The following CTNNA2 variants were observed in gnomAD, a reference collection of about 807,000 sequenced individuals.
CTNNA2 encodes catenin alpha-2.
A neutral mutation model predicts 101.0 loss-of-function variants in CTNNA2; 42 were observed. The observed-to-expected ratio is 0.42, with a 90% CI of 0.32 to 0.54. The LOEUF (loss-of-function observed/expected upper bound fraction) is 0.54. Among genes scored for constraint, CTNNA2 ranks in the 20% least tolerant of loss-of-function variants. The pLI is 0.14. For synonymous variants in CTNNA2, 450 were observed against 456.4 expected, an observed-to-expected ratio of 0.99 and a Z score of 0.18; for missense variants, 871 against 1,223.1, an observed-to-expected ratio of 0.71 and a Z score of 4.29.
At chr2:80,519,290 CT>C (rs1489870754) in intron 9 of CTNNA2, among the ~76,000 whole-genome samples, 1 of 152,132 alleles carries the variant, frequency 6.6e-6, no homozygotes, top group African/African-American at 2.4e-5. Context: ...ATGGATTGTG[CT>C]TTGTGCTGAT....
intron 1 of CTNNA2, among the ~76,000 whole-genome samples, chr2:79,635,577 C>T (rs1311123121): frequency 1.3e-5 from 2 of 149,216 alleles, no homozygotes; most frequent in East Asian, 2.1e-4. Flanking sequence ...GATCTCGGCT[C>T]ATTGCAACCT....
At chr2:79,781,088 A>G (rs1012845984) in intron 3 of CTNNA2, among the ~76,000 whole-genome samples, 8 of 152,234 alleles carry the variant, frequency 5.3e-5, no homozygotes, top group Admixed American at 1.3e-4. Flanking sequence ...CAGCTACTCC[A>G]TAGACGGAGC....
intron 7 of CTNNA2, among the ~76,000 whole-genome samples, chr2:80,125,354 C>T (rs899616719): frequency 3.3e-5 from 5 of 152,148 alleles, no homozygotes; most frequent in African/African-American, 1.2e-4. Context: ...TGATGGTGTC[C>T]TCAGTCTGGG....
chr2:79,886,502 A>T (rs1017015235), intron 6 of CTNNA2, among the ~76,000 whole-genome samples: 1 of 151,904 alleles, frequency 6.6e-6, no homozygotes, highest in East Asian at 2.0e-4. Context: ...CTGTAATCCC[A>T]GCACTTTGGG....
intron 1 of CTNNA2, among the ~76,000 whole-genome samples, chr2:79,537,663 G>T (rs557325602): frequency 1.3e-5 from 2 of 152,088 alleles, no homozygotes; most frequent in African/African-American, 4.8e-5. Context: ...CTTGCTGCCC[G>T]CACTATGTAA....
At chr2:80,414,061 T>C (rs2149398597) in intron 8 of CTNNA2, among the ~76,000 whole-genome samples, 1 of 152,344 alleles carries the variant, frequency 6.6e-6, no homozygotes, top group Middle Eastern at 3.4e-3. Flanking sequence ...ATTGGGTTGC[T>C]CAGACACATA....
intron 2 of CTNNA2, among the ~76,000 whole-genome samples, chr2:79,667,234 G>A (rs73938777): frequency 0.19 from 28,847 of 152,162 alleles, 3,028 homozygotes; most frequent in East Asian, 0.45. Flanking sequence ...CAGCCTTCAT[G>A]TTTGAGAGTA....
At chr2:79,365,180 G>GTA (rs977299569) in intron 3 of CTNNA2, among the ~76,000 whole-genome samples, 16 of 152,026 alleles carry the variant, frequency 1.1e-4, no homozygotes, top group African/African-American at 3.1e-4. Flanking sequence ...AGGAGACTGA[G>GTA]GCAGGAGAAT....
intron 9 of CTNNA2, among the ~76,000 whole-genome samples, chr2:80,521,763 G>A (rs185178137): frequency 7.9e-5 from 12 of 152,226 alleles, no homozygotes; most frequent in South Asian, 2.1e-4. Context: ...TTAGCCCGGC[G>A]AGCCCCATTT....
At chr2:79,706,544 T>C (rs1394620613) in intron 2 of CTNNA2, among the ~76,000 whole-genome samples, 1 of 152,108 alleles carries the variant, frequency 6.6e-6, no homozygotes, top group East Asian at 1.9e-4. Context: ...GTTTAAAAAT[T>C]TCCCTTTCCT....
chr2:80,415,722 T>A (rs1390306228), intron 8 of CTNNA2, among the ~76,000 whole-genome samples: 1 of 152,270 alleles, frequency 6.6e-6, no homozygotes, highest in Admixed American at 6.5e-5. Context: ...CAGAGATATC[T>A]GCACCCCTAT....
chr2:80,602,906 A>G (rs1290281179), intron 15 of CTNNA2, among the ~76,000 whole-genome samples: 1 of 152,098 alleles, frequency 6.6e-6, no homozygotes, highest in Non-Finnish European at 1.5e-5. Flanking sequence ...AGAAAAATCC[A>G]AGAAGGTGAG....
intron 18 of CTNNA2, among the ~76,000 whole-genome samples, chr2:80,625,098 A>G (rs546813843): frequency 3.9e-5 from 6 of 152,154 alleles, no homozygotes; most frequent in East Asian, 1.9e-4. Context: ...TCTGAAGAAT[A>G]TAAGTTAAAT....
chr2:80,546,195 C>A, intron 11 of CTNNA2, 132 bp downstream of exon 11: 1 of 1,107,986 alleles, frequency 9.0e-7, no homozygotes, highest in Non-Finnish European at 1.3e-6. Flanking sequence ...TTTTGATCAT[C>A]TCTGCAAATG....
chr2:80,077,613 CA>C (rs1038516784), intron 7 of CTNNA2, among the ~76,000 whole-genome samples: 7 of 149,188 alleles, frequency 4.7e-5, no homozygotes, highest in Non-Finnish European at 7.4e-5. Flanking sequence ...ATAAACAAAA[CA>C]AAGCAAAACA....
intron 3 of CTNNA2, among the ~76,000 whole-genome samples, chr2:79,815,588 C>G (rs1227362995): frequency 2.0e-5 from 3 of 152,196 alleles, no homozygotes; most frequent in African/African-American, 7.2e-5. Context: ...GGGTTTATTT[C>G]TGGGTTCTCT....
rs77142641 is a variant in CTNNA2 at position 79,303,875 on chromosome 2, G to A, written c.-405-8834G>A. The stretch of plus-strand genomic sequence containing the variant: ...GCAGATGAAGAATAAGAGAGAGAGC[G>A]AGAAAGATAGAGAGATAAGAGAGAC... On this transcript the variant is annotated intron_variant, in intron 2 of 21. Transcript: ENST00000466387. 5.9e-5 allele frequency among the ~76,000 whole-genome samples: 9 copies of A among 151,976 alleles called. No homozygotes were observed. The East Asian group carries it at 1.4e-3, about 23-fold the overall frequency.
intron 9 of CTNNA2, among the ~76,000 whole-genome samples, chr2:80,448,339 T>C (rs1005333748): frequency 1.3e-5 from 2 of 152,274 alleles, no homozygotes; most frequent in Admixed American, 6.5e-5. Flanking sequence ...GTTTCACTCT[T>C]AGCGACAATC....
intron 2 of CTNNA2, among the ~76,000 whole-genome samples, chr2:79,206,986 G>A (rs895343711): frequency 1.3e-5 from 2 of 152,178 alleles, no homozygotes; most frequent in African/African-American, 4.8e-5. Context: ...GTAGGTGACA[G>A]TATCACATCT....
Sources: allele counts gnomAD v4.1 joint callset (sites outside exome capture counted in the v4.1 genomes callset), GRCh38; gene constraint gnomAD v4.1.1; transcripts MANE v1.5; gene names NCBI Gene and HGNC (gene_info 2026-07-23, HGNC 2026-07-21).